Variants in LRP1B observed in about 807,000 individuals in gnomAD.
The protein encoded by LRP1B is LDL receptor related protein 1B.
A neutral mutation model predicts 556.6 loss-of-function variants in LRP1B; 217 were observed. That is an observed-to-expected ratio of 0.39 (90% CI 0.35 to 0.44). The LOEUF is 0.44. Among genes scored for constraint, LRP1B ranks in the 20% least tolerant of loss-of-function variants. LRP1B has a pLI of 1.00. For synonymous variants in LRP1B, 2,047 were observed against 1,865.8 expected (o/e 1.10, Z -2.50); for missense variants, 5,053 against 5,620.8 (o/e 0.90, Z 3.23).
intron 85 of LRP1B, among the ~76,000 whole-genome samples, chr2:140,272,736 A>G (rs1211604282): frequency 6.6e-6 from 1 of 152,014 alleles, no homozygotes; most frequent in African/African-American, 2.4e-5. Context: ...ATGAACTTTA[A>G]TCATCTAACA....
At chr2:141,991,392 G>T (rs1011529325) in intron 1 of LRP1B, among the ~76,000 whole-genome samples, 1 of 151,800 alleles carries the variant, frequency 6.6e-6, no homozygotes, top group Non-Finnish European at 1.5e-5. Flanking sequence ...TCAATAATTG[G>T]CAAAAATATT....
At chr2:141,015,951 G>A in intron 12 of LRP1B, 36 bp from the exon 13 acceptor site, 2 of 1,499,492 alleles carry the variant, frequency 1.3e-6, no homozygotes, top group Non-Finnish European at 1.9e-6. Context: ...ATGCATACAT[G>A]TTATTACAAC....
chr2:141,984,809 T>C (rs1702140322), intron 1 of LRP1B, among the ~76,000 whole-genome samples: 1 of 152,118 alleles, frequency 6.6e-6, no homozygotes, highest in South Asian at 2.1e-4. Flanking sequence ...GGTTTATAAG[T>C]ACATTGTCAG....
intron 3 of LRP1B, among the ~76,000 whole-genome samples, chr2:141,467,814 TTTG>T: frequency 3.5e-5 from 1 of 28,620 alleles, no homozygotes; most frequent in Non-Finnish European, 1.1e-4. Flanking sequence ...TGTTTGTTTG[TTTG>T]TTTGTTTGTT....
At chr2:140,262,897 G>A (rs1682013223) in intron 86 of LRP1B, among the ~76,000 whole-genome samples, 1 of 152,066 alleles carries the variant, frequency 6.6e-6, no homozygotes, top group South Asian at 2.1e-4. Flanking sequence ...AAGGGGCTAT[G>A]GAAATGTGCG....
intron 3 of LRP1B, among the ~76,000 whole-genome samples, chr2:141,461,006 T>C (rs1283129300): frequency 6.6e-6 from 1 of 151,338 alleles, no homozygotes; most frequent in East Asian, 1.9e-4. Context: ...TAGCCAACTC[T>C]CTTTGCAGTT....
chr2:142,040,820 T>C (rs189237633), intron 1 of LRP1B, among the ~76,000 whole-genome samples: 4 of 151,406 alleles, frequency 2.6e-5, no homozygotes, highest in African/African-American at 4.8e-5. Context: ...ATTTTTTTTT[T>C]CTTTTCAAAA....
At chr2:140,756,262 GT>G (rs1688738210) in intron 35 of LRP1B, among the ~76,000 whole-genome samples, 1 of 151,988 alleles carries the variant, frequency 6.6e-6, no homozygotes, top group Admixed American at 6.5e-5. Context: ...ATCCTCAGTT[GT>G]TTTCTACAGC....
intron 14 of LRP1B, 133 bp downstream of exon 14, chr2:141,013,423 G>T: frequency 1.5e-6 from 1 of 684,178 alleles, no homozygotes; most frequent in Non-Finnish European, 2.3e-6. Flanking sequence ...AATCTGATTT[G>T]ATTGACTTTG....
In LRP1B at chr2:140,937,883, T is replaced by G. The variant is rs550346723; in HGVS notation, c.3136+12352A>C. 1.5e-4 allele frequency among the ~76,000 whole-genome samples: 23 copies of G among 152,086 alleles called. 1 individual carries two copies. Among genetic ancestry groups the G allele is most frequent in the African/African-American group, 4.8e-4 (20 of 41,536 alleles). On this transcript the variant is annotated intron_variant, in intron 20 of 90. Transcript: ENST00000389484. ...TCAAGTTTTGATAGCCTCACTGCTT[T>G]GAGTGGATTCAACCTCCGTTGGTAG...
intron 2 of LRP1B, among the ~76,000 whole-genome samples, chr2:141,665,337 A>G (rs949304186): frequency 1.3e-5 from 2 of 152,232 alleles, no homozygotes; most frequent in African/African-American, 4.8e-5. Context: ...AAAGCTCAAC[A>G]TCACTGATAA....
intron 6 of LRP1B, 54 bp from the exon 7 acceptor site, chr2:141,188,637 A>T (rs1681368022): frequency 6.8e-7 from 1 of 1,480,120 alleles, no homozygotes; most frequent in South Asian, 1.2e-5. Context: ...TAGCATCATG[A>T]TCCAAAAATA....
At chr2:140,576,450 C>T (rs770485626) in intron 43 of LRP1B, among the ~76,000 whole-genome samples, 30 of 152,274 alleles carry the variant, frequency 2.0e-4, no homozygotes, top group Non-Finnish European at 3.1e-4. Flanking sequence ...TATTTCAGAA[C>T]GTAGTTACTC....
intron 2 of LRP1B, among the ~76,000 whole-genome samples, chr2:141,726,833 G>A (rs1219632205): frequency 6.6e-6 from 1 of 152,104 alleles, no homozygotes; most frequent in Non-Finnish European, 1.5e-5. Flanking sequence ...CAAAGTTGAA[G>A]TGGATGCAAT....
At chr2:140,706,667 T>G (rs952629335) in intron 37 of LRP1B, among the ~76,000 whole-genome samples, 33 of 152,200 alleles carry the variant, frequency 2.2e-4, no homozygotes, top group African/African-American at 7.9e-4. Context: ...ATTATTGACA[T>G]TTGGATAAAT....
chr2:140,603,835 T>G (rs1044835228), intron 41 of LRP1B, among the ~76,000 whole-genome samples: 1 of 152,092 alleles, frequency 6.6e-6, no homozygotes, highest in Non-Finnish European at 1.5e-5. Flanking sequence ...TAGATCCTTA[T>G]AAAATTATAT....
At chr2:140,706,994 T>C (rs1015918700) in intron 37 of LRP1B, among the ~76,000 whole-genome samples, 4 of 152,136 alleles carry the variant, frequency 2.6e-5, no homozygotes, top group Non-Finnish European at 5.9e-5. Flanking sequence ...ATAAGTCTAT[T>C]TTTTAAGAGA....
At chr2:142,019,425 C>T (rs1703258440) in intron 1 of LRP1B, among the ~76,000 whole-genome samples, 1 of 152,078 alleles carries the variant, frequency 6.6e-6, no homozygotes, top group African/African-American at 2.4e-5. Context: ...TTGTGTGGGC[C>T]TTATCTGCCG....
chr2:141,067,605 C>T (rs750038454), intron 7 of LRP1B, among the ~76,000 whole-genome samples: 3 of 151,980 alleles, frequency 2.0e-5, no homozygotes, highest in South Asian at 4.1e-4. Flanking sequence ...CGTTGAACGT[C>T]CTTATTTACC....
Sources: gnomAD v4.1 joint callset for allele counts (sites outside exome capture counted in the v4.1 genomes callset) on GRCh38, gnomAD v4.1.1 for gene constraint, MANE v1.5 for transcripts, NCBI Gene and HGNC (gene_info 2026-07-23, HGNC 2026-07-21) for gene names.